The following ALG9 variants were observed in gnomAD, a reference collection of about 807,000 sequenced individuals.
ALG9 encodes ALG9 alpha-1,2-mannosyltransferase.
Under a neutral mutation model 81.8 loss-of-function variants are expected in ALG9, and 55 were observed. That is an observed-to-expected ratio of 0.67 (90% CI 0.54 to 0.84). The LOEUF (loss-of-function observed/expected upper bound fraction) is 0.84, where lower values mean the gene tolerates loss of function less well. ALG9 is among the 40% of genes least tolerant of loss of function. The pLI is 0.00. For missense variants in ALG9, 629 were observed against 745.0 expected (o/e 0.84, Z 1.81); for synonymous variants, 278 against 274.3 (o/e 1.01, Z -0.13).
intron 14 of ALG9, among the ~76,000 whole-genome samples, chr11:111,787,451 A>G (rs113252170): frequency 6.6e-6 from 1 of 152,034 alleles, no homozygotes; most frequent in Non-Finnish European, 1.5e-5. Flanking sequence ...TAAATTTTTT[A>G]AAAATTATTT....
At chr11:111,804,016 C>G (rs1229288227) in intron 14 of ALG9, among the ~76,000 whole-genome samples, 2 of 151,548 alleles carry the variant, frequency 1.3e-5, no homozygotes, top group African/African-American at 4.9e-5. Flanking sequence ...GCCTGTAATC[C>G]CAGCTACTCG....
At chr11:111,858,980 G>C (rs1239177776) in intron 5 of ALG9, among the ~76,000 whole-genome samples, 1 of 152,148 alleles carries the variant, frequency 6.6e-6, no homozygotes, top group Non-Finnish European at 1.5e-5. Context: ...CAAGGTGTGG[G>C]GGGCTGCTTG....
chr11:111,849,929 G>A (rs1443425287), intron 8 of ALG9: 3 of 152,190 alleles, frequency 2.0e-5, no homozygotes, highest in Non-Finnish European at 4.4e-5. Context: ...GGAGACTCTT[G>A]TAAAACAGCC....
intron 14 of ALG9, among the ~76,000 whole-genome samples, chr11:111,799,153 A>AT (rs1478646269): frequency 4.6e-5 from 7 of 151,562 alleles, no homozygotes; most frequent in African/African-American, 1.5e-4. Flanking sequence ...TCACAGTATA[A>AT]TTTTTTTTTG....
rs782036494 is a variant in ALG9 at position 111,857,633 on chromosome 11, T to C, written c.670A>G (p.Ile224Val). ...GCTGCACTGAATGGCCAGCCTAAGA[T>C]AGCCCCAGCTGCTACTCCCAGCACA... ...IAVLGVAAGA[I>V]LGWPFSAALG... Residue 224 changes from isoleucine to valine, a missense_variant, in exon 6 of 15, where the codon ATC (isoleucine) becomes GTC (valine). This residue lies in a region of ALG9 where 344 missense variants were observed against 390.5 expected (regional missense o/e 0.88). Coordinates refer to ENST00000616540, the MANE Select transcript of ALG9 (RefSeq NM_024740.2). The C allele has an allele frequency of 5.0e-6, 8 of 1,614,174 alleles. No individual in the cohort carries two copies. Among genetic ancestry groups the C allele is most frequent in the African/African-American group, 1.3e-5 (1 of 75,040 alleles).
downstream of ALG9, among the ~76,000 whole-genome samples, chr11:111,780,204 A>T (rs1185208375): frequency 6.6e-6 from 1 of 152,094 alleles, no homozygotes; most frequent in Non-Finnish European, 1.5e-5. Flanking sequence ...CGACCCTCTA[A>T]AAGCAAGTCA....
intron 13 of ALG9, among the ~76,000 whole-genome samples, chr11:111,819,170 G>A (rs1345728873): frequency 1.3e-5 from 2 of 152,214 alleles, no homozygotes; most frequent in African/African-American, 4.8e-5. Flanking sequence ...GCCATGTGGG[G>A]ACAAGGAAAG....
chr11:111,837,043 T>G (rs1592176177), intron 12 of ALG9, among the ~76,000 whole-genome samples: 1 of 152,238 alleles, frequency 6.6e-6, no homozygotes, highest in African/African-American at 2.4e-5. Context: ...CCTTCCCCAG[T>G]GTCCACATAA....
Position 111,823,139 on chromosome 11 carries a change from T to C in ALG9, c.1602+13026A>G, listed in dbSNP as rs117423907. 8.7e-3 allele frequency among the ~76,000 whole-genome samples: 1,322 copies of C among 152,356 alleles called. 8 individuals are homozygous for C. The highest frequency in any genetic ancestry group is 0.051 in the Middle Eastern group (15 of 294). ...CAGGAAATGGGACCGCTGAATATTC[T>C]GCCTCTAGCTCTGTGATTTAGGGAA... On this transcript the variant is annotated intron_variant, in intron 13 of 14. Transcript: ENST00000616540.
chr11:111,871,216 G>A (rs1555158379), intron 1 of ALG9, 136 bp downstream of exon 1: 1 of 1,312,534 alleles, frequency 7.6e-7, no homozygotes, highest in East Asian at 3.2e-5. Flanking sequence ...ATAGGACCTA[G>A]CTGAAGAGGG....
intron 14 of ALG9, among the ~76,000 whole-genome samples, chr11:111,794,579 T>A (rs376124050): frequency 2.8e-4 from 43 of 152,144 alleles, no homozygotes; most frequent in African/African-American, 1.0e-3. Context: ...CCACCATGCC[T>A]GGCCCACATC....
chr11:111,800,915 G>A (rs1052870696), intron 14 of ALG9, among the ~76,000 whole-genome samples: 25 of 152,158 alleles, frequency 1.6e-4, no homozygotes, highest in Middle Eastern at 3.2e-3. Context: ...CATAAAAAAA[G>A]CAGGGTTAGA....
the ALG9 span, chr11:111,768,672 GTGTT>G: frequency 1.3e-5 from 2 of 151,870 alleles, no homozygotes; most frequent in African/African-American, 4.8e-5. Context: ...GTGTGTGTGT[GTGTT>G]TAACAAACAG....
intron 14 of ALG9, chr11:111,798,173 A>G: frequency 3.3e-6 from 1 of 300,604 alleles, no homozygotes; most frequent in South Asian, 2.7e-5. Context: ...ACTGCACTCT[A>G]GCCTGGGCAA....
chr11:111,837,498 C>A lies in ALG9; in HGVS notation c.1442G>T (p.Arg481Leu). The change falls in exon 12 of 15, where the codon CGA becomes CTA. Residue 481 changes from arginine (R) to leucine (L), a missense_variant. By Grantham distance (102) the Arg-to-Leu change is moderately radical (BLOSUM62 -2). Coordinates refer to ENST00000616540, the MANE Select transcript of ALG9 (RefSeq NM_024740.2). The stretch of plus-strand genomic sequence containing the variant: ...AGGAAGAAGGAAGCTGCTGGGAAAT[C>A]GATACCACTCTTTTCCCACACAGAC... ...VNVCVGKEWYRFPSSFLLPDN... is the reference protein window; with the variant it reads ...VNVCVGKEWYLFPSSFLLPDN... 6.2e-7 allele frequency: 1 copy of A among 1,614,112 alleles called. No individual in the cohort carries two copies. Among genetic ancestry groups the A allele is most frequent in the Non-Finnish European group, 8.5e-7 (1 of 1,180,026 alleles).
intron 1 of ALG9, chr11:111,871,049 T>G: frequency 8.9e-7 from 1 of 1,122,766 alleles, no homozygotes; most frequent in Non-Finnish European, 1.1e-6. Context: ...CCGTAAAAGG[T>G]ATACTCTTTG....
At chr11:111,838,145 G>T in intron 11 of ALG9, 104 bp downstream of exon 11, 2 of 1,364,944 alleles carry the variant, frequency 1.5e-6, no homozygotes, top group Non-Finnish European at 1.0e-6. Context: ...TTTAGAAATG[G>T]CTTCTTAGTA....
chr11:111,768,652 T>TG, the ALG9 span: 3 of 148,526 alleles, frequency 2.0e-5, no homozygotes, highest in African/African-American at 7.9e-5. Flanking sequence ...AAAATTATTG[T>TG]GTTGTGTGTG....
chr11:111,800,212 G>A (rs1948894876), intron 14 of ALG9, among the ~76,000 whole-genome samples: 1 of 152,118 alleles, frequency 6.6e-6, no homozygotes, highest in Non-Finnish European at 1.5e-5. Context: ...CGGGTGTGGT[G>A]GCTCACACCT....
Sources: allele counts gnomAD v4.1 joint callset (sites outside exome capture counted in the v4.1 genomes callset), GRCh38; gene constraint gnomAD v4.1.1; regional missense constraint gnomAD v4.1.1; transcripts MANE v1.5; gene names NCBI Gene and HGNC (gene_info 2026-07-23, HGNC 2026-07-21).